FAM107B: variants seen among roughly 807,000 people sequenced by gnomAD.
FAM107B encodes family with sequence similarity 107 member B, also known as protein FAM107B.
A neutral mutation model predicts 31.5 loss-of-function variants in FAM107B; 21 were observed. The ratio of observed to expected loss-of-function variants is 0.67; its 90% confidence interval spans 0.47 to 0.96. The LOEUF is 0.96. FAM107B is among the 40% of genes least tolerant of loss of function. The probability of loss-of-function intolerance (pLI) is 0.00; values close to 1 mark genes in which losing one functional copy is unlikely to be tolerated. For missense variants in FAM107B, 452 were observed against 377.1 expected, an observed-to-expected ratio of 1.20 and a Z score of -1.64; for synonymous variants, 157 against 141.5, an observed-to-expected ratio of 1.11 and a Z score of -0.78.
chr10:14,662,447 G>T (rs1202936949), intron 2 of FAM107B, among the ~76,000 whole-genome samples: 1 of 150,606 alleles, frequency 6.6e-6, no homozygotes, highest in Non-Finnish European at 1.5e-5. Flanking sequence ...CACAATCATG[G>T]CTCATTGCAG....
chr10:14,548,830 A>ACG (rs1848970882), intron 2 of FAM107B, among the ~76,000 whole-genome samples: 3 of 58,768 alleles, frequency 5.1e-5, no homozygotes, highest in Non-Finnish European at 1.2e-4. Context: ...GCACACGCAC[A>ACG]CACACGCACA....
At chr10:14,559,118 CAAAA>C (rs59285556) in intron 2 of FAM107B, among the ~76,000 whole-genome samples, 2 of 112,256 alleles carry the variant, frequency 1.8e-5, no homozygotes, top group Non-Finnish European at 3.8e-5. Context: ...AAAAAAAAAA[CAAAA>C]AAAAAACACC....
At chr10:14,550,068 TA>T (rs1262606328) in intron 2 of FAM107B, among the ~76,000 whole-genome samples, 15 of 152,324 alleles carry the variant, frequency 9.8e-5, no homozygotes, top group African/African-American at 3.6e-4. Context: ...ATTCTGGAGT[TA>T]AAAGAGGCCT....
At chr10:14,597,620 C>T (rs536250311) in intron 2 of FAM107B, among the ~76,000 whole-genome samples, 4 of 152,264 alleles carry the variant, frequency 2.6e-5, no homozygotes, top group South Asian at 2.1e-4. Flanking sequence ...TCCCTGTGTC[C>T]GCATCTTGAC....
intron 1 of FAM107B, among the ~76,000 whole-genome samples, chr10:14,678,488 G>A (rs1296003944): frequency 6.6e-6 from 1 of 152,122 alleles, no homozygotes; most frequent in East Asian, 1.9e-4. Flanking sequence ...AAACGTGGGG[G>A]ACACTGCAGT....
At chr10:14,532,314 G>A (rs1053830282) in intron 2 of FAM107B, among the ~76,000 whole-genome samples, 6 of 151,990 alleles carry the variant, frequency 3.9e-5, no homozygotes, top group African/African-American at 1.5e-4. Context: ...GCACCTCCCC[G>A]TGTTATGTTC....
intron 1 of FAM107B, among the ~76,000 whole-genome samples, chr10:14,728,212 AT>A (rs1856080850): frequency 6.6e-6 from 1 of 152,090 alleles, no homozygotes; most frequent in Non-Finnish European, 1.5e-5. Context: ...CACTTGCATC[AT>A]TTTTTTAGTC....
chr10:14,759,318 T>A (rs897061607), intron 1 of FAM107B, among the ~76,000 whole-genome samples: 5 of 152,354 alleles, frequency 3.3e-5, no homozygotes, highest in Non-Finnish European at 7.3e-5. Flanking sequence ...TTATTTTTTT[T>A]AAATCTTTGT....
At chr10:14,678,312 G>A (rs1388033614) in intron 1 of FAM107B, among the ~76,000 whole-genome samples, 3 of 152,182 alleles carry the variant, frequency 2.0e-5, no homozygotes, top group Admixed American at 2.0e-4. Flanking sequence ...TTCTTCCTCG[G>A]TGGGATGGTG....
chr10:14,666,572 G>GA (rs1002502328), intron 2 of FAM107B, among the ~76,000 whole-genome samples: 9 of 151,214 alleles, frequency 6.0e-5, no homozygotes, highest in Admixed American at 1.3e-4. Context: ...TGAGAATCAT[G>GA]AAAAAAAAAT....
chr10:14,754,769 G>C (rs79854384), intron 1 of FAM107B, among the ~76,000 whole-genome samples: 8,427 of 152,262 alleles, frequency 0.055, 726 homozygotes, highest in African/African-American at 0.18. Context: ...GTGCCTGTAA[G>C]ATGCAGATGC....
chr10:14,738,716 C>T (rs898428352), intron 1 of FAM107B, among the ~76,000 whole-genome samples: 20 of 152,098 alleles, frequency 1.3e-4, no homozygotes, highest in African/African-American at 4.6e-4. Context: ...TGGATTGGGC[C>T]CTGGCCTCAG....
chr10:14,666,193 T>C (rs1370867318), intron 2 of FAM107B, among the ~76,000 whole-genome samples: 2 of 152,248 alleles, frequency 1.3e-5, no homozygotes, highest in Admixed American at 1.3e-4. Flanking sequence ...TAGGCCATTC[T>C]CATGCTGCTA....
chr10:14,622,465 C>G (rs1853038676), intron 2 of FAM107B, among the ~76,000 whole-genome samples: 1 of 152,022 alleles, frequency 6.6e-6, no homozygotes, highest in Non-Finnish European at 1.5e-5. Context: ...TGCCACCATG[C>G]CTGGCTAATT....
At chr10:14,632,439 G>A (rs887813976) in intron 2 of FAM107B, among the ~76,000 whole-genome samples, 2 of 151,308 alleles carry the variant, frequency 1.3e-5, no homozygotes, top group Admixed American at 1.3e-4. Flanking sequence ...GTGAATCCCC[G>A]TCTCTACTAA....
intron 2 of FAM107B, among the ~76,000 whole-genome samples, chr10:14,557,499 A>G (rs1187453556): frequency 6.6e-6 from 1 of 152,172 alleles, no homozygotes; most frequent in African/African-American, 2.4e-5. Flanking sequence ...TAAGTACCCA[A>G]CCAGGTTGGG....
intron 1 of FAM107B, among the ~76,000 whole-genome samples, chr10:14,668,663 T>C (rs1454618846): frequency 1.3e-5 from 2 of 152,250 alleles, no homozygotes; most frequent in African/African-American, 4.8e-5. Flanking sequence ...AATTAATTTA[T>C]TTGTTTTTCC....
Position 14,774,678 on chromosome 10 carries a change from C to T in FAM107B, c.-15G>A. On this transcript the variant is annotated 5_prime_UTR_variant, in exon 1 of 5. It removes an upstream start codon present in the reference 5' UTR. Coordinates refer to ENST00000181796, the MANE Select transcript of FAM107B (RefSeq NM_031453.4). ...CACGTGGACATGACTTGCAGTGAAT[C>T]ATTGCAAAGTTCAAACGGGGCAAGG... is the stretch of plus-strand genomic sequence containing the variant. 6.2e-7 allele frequency: 1 copy of T among 1,605,500 alleles called. No individual in the cohort carries two copies. Among genetic ancestry groups the T allele is most frequent in the Non-Finnish European group, 8.5e-7 (1 of 1,174,892 alleles).
chr10:14,666,142 T>G (rs1004051806), intron 2 of FAM107B, among the ~76,000 whole-genome samples: 1 of 152,192 alleles, frequency 6.6e-6, no homozygotes, highest in African/African-American at 2.4e-5. Context: ...AATATTGTAA[T>G]AAACCACAGA....
Sources: allele counts gnomAD v4.1 joint callset (sites outside exome capture counted in the v4.1 genomes callset), GRCh38; gene constraint gnomAD v4.1.1; transcripts MANE v1.5; gene names NCBI Gene and HGNC (gene_info 2026-07-23, HGNC 2026-07-21).